Variants in KRT8 observed in about 807,000 individuals in gnomAD.
KRT8 encodes the protein keratin 8.
In KRT8, 24 loss-of-function variants were observed where a neutral mutation model predicts 43.0. The observed-to-expected ratio is 0.56, with a 90% CI of 0.40 to 0.78. The LOEUF (loss-of-function observed/expected upper bound fraction) is 0.78, where lower values mean the gene tolerates loss of function less well. Ranked by LOEUF, KRT8 falls within the 30% of genes least tolerant of loss-of-function variation. The pLI is 0.00. For missense variants in KRT8, 492 were observed against 638.4 expected, an observed-to-expected ratio of 0.77 and a Z score of 2.47; for synonymous variants, 214 against 261.2, an observed-to-expected ratio of 0.82 and a Z score of 1.74.
intron 2 of KRT8, among the ~76,000 whole-genome samples, chr12:52,929,582 T>A (rs1942051728): frequency 1.3e-5 from 2 of 152,128 alleles, no homozygotes; most frequent in South Asian, 4.1e-4. Flanking sequence ...CCAGTCTTCT[T>A]CCTTGAATCC....
Position 52,935,378 on chromosome 12 carries a change from C to CAAAAAAAAA in KRT8, c.-47+14069_-47+14077dup, listed in dbSNP as rs71092794. Among the ~76,000 whole-genome samples the CAAAAAAAAA allele has an allele frequency of 9.7e-4, 23 of 23,752 alleles. 5 individuals carry two copies. Among genetic ancestry groups the CAAAAAAAAA allele is most frequent in the African/African-American group, 4.5e-3 (23 of 5,156 alleles). The allele number at this position is 23,752 out of a possible 152,430, so 15.6% of individuals were successfully genotyped here. Reference sequence around the variant, plus strand: ...TGGGTGACAGAGCAAGACTCTGTCTCAAAAAAAAAAAAAAAAAAAAAAAAA... The same window carrying CAAAAAAAAA: ...TGGGTGACAGAGCAAGACTCTGTCTCAAAAAAAAAAAAAAAAAAAAAAAAAAAAAAAAAA... On this transcript the variant is annotated intron_variant, in intron 2 of 6. Coordinates refer to the KRT8 transcript ENST00000546826.
chr12:52,900,993 C>T, intron 3 of KRT8, 166 bp downstream of exon 3: 2 of 726,282 alleles, frequency 2.8e-6, no homozygotes, highest in South Asian at 3.0e-5. Context: ...TCCAAATGCA[C>T]CTACCACTCC....
intron 2 of KRT8, among the ~76,000 whole-genome samples, chr12:52,922,126 A>C (rs1476499990): frequency 1.4e-5 from 2 of 140,784 alleles, no homozygotes; most frequent in Non-Finnish European, 3.0e-5. Context: ...GCTGTAGTGT[A>C]CCATAATTGC....
chr12:52,924,265 G>A (rs1027940254), intron 2 of KRT8, among the ~76,000 whole-genome samples: 1 of 152,020 alleles, frequency 6.6e-6, no homozygotes, highest in East Asian at 1.9e-4. Context: ...TGGCTAACAC[G>A]GTGAAACCCT....
At chr12:52,906,518 C>T (rs1205843304), upstream of KRT8, 3 of 362,394 alleles carry the variant, frequency 8.3e-6, no homozygotes, top group Middle Eastern at 9.1e-4. Context: ...ACGTAGCACG[C>T]ACCTGTGGGA....
At chr12:52,935,529 T>TA (rs376953061) in intron 2 of KRT8, among the ~76,000 whole-genome samples, 51,553 of 129,186 alleles carry the variant, frequency 0.4, 10,134 homozygotes, top group Middle Eastern at 0.47. Flanking sequence ...TGTCTCTACT[T>TA]AAAAAAAAAA....
intron 2 of KRT8, among the ~76,000 whole-genome samples, chr12:52,937,173 C>A (rs1035690079): frequency 6.6e-6 from 1 of 151,172 alleles, no homozygotes; most frequent in African/African-American, 2.4e-5. Context: ...GAGTTTGAGA[C>A]CAACCTGGGC....
chr12:52,905,899 C>G (rs916167655), upstream of KRT8, among the ~76,000 whole-genome samples: 16 of 152,090 alleles, frequency 1.1e-4, no homozygotes, highest in South Asian at 4.1e-4. Flanking sequence ...CAAGACAAGC[C>G]TGACCAACAT....
At chr12:52,924,025 T>C (rs1423620441) in intron 2 of KRT8, among the ~76,000 whole-genome samples, 2 of 151,738 alleles carry the variant, frequency 1.3e-5, no homozygotes, top group African/African-American at 4.8e-5. Flanking sequence ...TCGTATTTTT[T>C]CAGTAGAGAC....
At chr12:52,912,575 C>T (rs1167115390) in intron 2 of KRT8, among the ~76,000 whole-genome samples, 1 of 152,196 alleles carries the variant, frequency 6.6e-6, no homozygotes, top group African/African-American at 2.4e-5. Context: ...TCCCAATCCA[C>T]GGGACCAGTG....
At chr12:52,911,077 C>T (rs758121650), upstream of KRT8, among the ~76,000 whole-genome samples, 3 of 152,148 alleles carry the variant, frequency 2.0e-5, no homozygotes, top group Non-Finnish European at 4.4e-5. Flanking sequence ...TCAGGCCAGA[C>T]GTGGTGGCTC....
chr12:52,930,217 A>ATTTTTTTTTTTTTTTTTTTTTT (rs35917845), intron 2 of KRT8, among the ~76,000 whole-genome samples: 1 of 146,396 alleles, frequency 6.8e-6, no homozygotes, highest in Non-Finnish European at 1.5e-5. Context: ...CAATTCTATC[A>ATTTTTTTTTTTTTTTTTTTTTT]TTTTTTTTTT....
At chr12:52,923,342 T>A (rs922542592) in intron 2 of KRT8, among the ~76,000 whole-genome samples, 1 of 152,236 alleles carries the variant, frequency 6.6e-6, no homozygotes, top group Non-Finnish European at 1.5e-5. Flanking sequence ...TTGGACAAGT[T>A]ACTGCTCCTC....
At chr12:52,940,446 A>G (rs568576457) in intron 2 of KRT8, among the ~76,000 whole-genome samples, 34 of 151,440 alleles carry the variant, frequency 2.2e-4, no homozygotes, top group Non-Finnish European at 4.1e-4. Flanking sequence ...AAAAAAAAAA[A>G]AAAAGAAAAG....
chr12:52,902,027 T>C, exon 2 of KRT8: 1 of 1,603,402 alleles, frequency 6.2e-7, no homozygotes, highest in Non-Finnish European at 8.5e-7. Flanking sequence ...TGCAGGAGGC[T>C]CCACTTGGTC....
chr12:52,932,375 C>T lies in KRT8; in HGVS notation c.-47+17081G>A, dbSNP rs981074094. 2.6e-5 allele frequency among the ~76,000 whole-genome samples: 4 copies of T among 152,260 alleles called. No homozygotes were observed. The South Asian group carries it at 8.3e-4, about 32-fold the overall frequency. On this transcript the variant is annotated intron_variant, in intron 2 of 6. Coordinates refer to the KRT8 transcript ENST00000546826. ...GTGCTGGGATTACAGGTGTGAGCCA[C>T]CGCGCCTGGCAAATCATTCTTAATA...
intron 2 of KRT8, chr12:52,948,155 C>G: frequency 6.6e-6 from 1 of 152,202 alleles, no homozygotes. Context: ...GGGGAGTCTG[C>G]ACCTATTTGC....
At chr12:52,898,022 G>A (rs1292448391) in intron 7 of KRT8, among the ~76,000 whole-genome samples, 1 of 152,056 alleles carries the variant, frequency 6.6e-6, no homozygotes, top group Non-Finnish European at 1.5e-5. Flanking sequence ...AAATTAGCTG[G>A]GCATGGTGGT....
chr12:52,902,449 C>T (rs1219905695), intron 1 of KRT8, among the ~76,000 whole-genome samples: 1 of 152,044 alleles, frequency 6.6e-6, no homozygotes, highest in Non-Finnish European at 1.5e-5. Flanking sequence ...AAGATCTCAG[C>T]TCACTGCAAG....
Sources: gnomAD v4.1 joint callset for allele counts (sites outside exome capture counted in the v4.1 genomes callset) on GRCh38, gnomAD v4.1.1 for gene constraint, MANE v1.5 for transcripts, NCBI Gene and HGNC (gene_info 2026-07-23, HGNC 2026-07-21) for gene names.